The following ACO1 variants were observed in gnomAD, a reference collection of about 807,000 sequenced individuals.
ACO1 encodes aconitase 1.
ACO1 carries 78 observed loss-of-function variants against 105.1 expected under a neutral mutation model. The ratio of observed to expected loss-of-function variants is 0.74; its 90% CI spans 0.62 to 0.90. ACO1 has a LOEUF of 0.90. ACO1 is among the 40% of genes least tolerant of loss of function. The pLI is 0.00. For synonymous variants in ACO1, 364 were observed against 397.4 expected (o/e 0.92, Z 1.00); for missense variants, 965 against 1,111.1 (o/e 0.87, Z 1.87).
At chr9:32,400,276 T>G (rs1821467280) in intron 1 of ACO1, among the ~76,000 whole-genome samples, 1 of 152,176 alleles carries the variant, frequency 6.6e-6, no homozygotes, top group African/African-American at 2.4e-5. Context: ...TGGCTGTATC[T>G]ATTCCTTAGT....
chr9:32,403,214 G>A (rs868868690), intron 1 of ACO1, among the ~76,000 whole-genome samples: 19 of 152,292 alleles, frequency 1.2e-4, no homozygotes, highest in Middle Eastern at 3.4e-3. Flanking sequence ...GTTACGCAAG[G>A]TTTTTCATCC....
At position 32,449,012 on chromosome 9, in the gene ACO1, C is replaced by A; in HGVS notation, c.2487C>A (p.Leu829=). 1 of 1,614,126 alleles carries A rather than the reference C, an allele frequency of 6.2e-7. No homozygotes were observed. The highest frequency in any genetic ancestry group is 8.5e-7 in the Non-Finnish European group (1 of 1,180,014). The change falls in exon 20 of 21, where the codon CTC becomes CTA. Residue 829 remains leucine (L), a synonymous_variant. Transcript: ENST00000309951. ...GTGAGAATGCAGATGCCCTGGGGCT[C>A]ACAGGGCAAGAACGATACACTATCA... ...LPGENADALG[L]TGQERYTIII...
chr9:32,449,514 A>T (rs1344321070), intron 20 of ACO1, among the ~76,000 whole-genome samples: 2 of 152,190 alleles, frequency 1.3e-5, no homozygotes, highest in Admixed American at 1.3e-4. Flanking sequence ...AGGTAAAGAT[A>T]AAGTGCCCAG....
At chr9:32,406,823 G>A (rs112618980) in intron 2 of ACO1, among the ~76,000 whole-genome samples, 2,268 of 152,162 alleles carry the variant, frequency 0.015, 65 homozygotes, top group African/African-American at 0.051. Context: ...TTGCTCTGTC[G>A]CCAGGCTGGA....
intron 1 of ACO1, among the ~76,000 whole-genome samples, chr9:32,401,971 T>A (rs62571734): frequency 6.6e-6 from 1 of 152,184 alleles, no homozygotes; most frequent in Non-Finnish European, 1.5e-5. Context: ...TTATCTTGAC[T>A]TTCAGAATGT....
intron 19 of ACO1, among the ~76,000 whole-genome samples, chr9:32,446,154 C>T (rs764760793): frequency 6.6e-6 from 1 of 152,152 alleles, no homozygotes; most frequent in African/African-American, 2.4e-5. Context: ...AGTTCAAGTC[C>T]TGGATATCCT....
chr9:32,418,368 CT>C lies in ACO1; in HGVS notation c.516del (p.Gly173AlafsTer8), dbSNP rs1321119165. The C allele has an allele frequency of 1.9e-6, 3 of 1,614,194 alleles. No individual in the cohort carries two copies. Among genetic ancestry groups the C allele is most frequent in the Non-Finnish European group, 2.5e-6 (3 of 1,180,040 alleles). Reference protein sequence around the residue: ...QAFHNMRIIPPGSGIIHQVNL... With the variant: ...QAFHNMRIIPXGSGIIHQVNL... ...TTTCACAACATGCGGATTATTCCCC[CT>C]GGCTCAGGAATCATCCACCAGGTGA... On this transcript the variant is annotated frameshift_variant, in exon 6 of 21. Coordinates refer to ENST00000309951, the MANE Select transcript of ACO1 (RefSeq NM_002197.3). LOFTEE classifies it high-confidence loss of function.
At chr9:32,396,998 C>CAT (rs1024767100) in intron 1 of ACO1, among the ~76,000 whole-genome samples, 2 of 151,292 alleles carry the variant, frequency 1.3e-5, no homozygotes, top group African/African-American at 4.9e-5. Context: ...AAAATCTTGA[C>CAT]ATATATATAG....
chr9:32,403,708 G>A (rs986525010), intron 1 of ACO1, among the ~76,000 whole-genome samples: 7 of 152,118 alleles, frequency 4.6e-5, no homozygotes, highest in Admixed American at 3.9e-4. Context: ...TTTAGGATTC[G>A]ACACAGAGAT....
rs1182556613 is a variant in ACO1 at position 32,425,825 on chromosome 9, T to A, written c.1189-13T>A. On this transcript the variant is annotated splice_polypyrimidine_tract_variant and intron_variant, in intron 10 of 20. Transcript: ENST00000309951. ...ATATATTCCTATATAATATACATTT[T>A]TTCTTCCTTTAGCAAGGATTTAAAG... is the stretch of plus-strand genomic sequence containing the variant. 6.3e-7 allele frequency: 1 copy of A among 1,587,964 alleles called. No individual in the cohort carries two copies. Among genetic ancestry groups the A allele is most frequent in the Non-Finnish European group, 8.6e-7 (1 of 1,160,304 alleles).
intron 4 of ACO1, among the ~76,000 whole-genome samples, chr9:32,414,871 A>G (rs1821815521): frequency 6.6e-6 from 1 of 152,188 alleles, no homozygotes; most frequent in Non-Finnish European, 1.5e-5. Context: ...TTTATTCCAG[A>G]AACAGATTAT....
In ACO1 at chr9:32,422,928, C is replaced by T. The variant is rs186746436; in HGVS notation, c.971-391C>T. ...GGGTTGGGATGCGTTTTAATTTTAA[C>T]GGTAATCATGTGGAATGCTGAATCT... On this transcript the variant is annotated intron_variant, in intron 8 of 20. Transcript: ENST00000309951. Among the ~76,000 whole-genome samples, 298 of 152,258 alleles carry T rather than the reference C, an allele frequency of 2.0e-3. 1 individual carries two copies. Among genetic ancestry groups the T allele is most frequent in the African/African-American group, 6.9e-3 (287 of 41,544 alleles).
At chr9:32,413,425 A>G (rs1030182462) in intron 4 of ACO1, among the ~76,000 whole-genome samples, 3 of 150,612 alleles carry the variant, frequency 2.0e-5, no homozygotes, top group Non-Finnish European at 4.4e-5. Context: ...TGGAGGTTGC[A>G]GTGAGCTGAG....
At chr9:32,445,272 T>C (rs1271757250) in intron 19 of ACO1, among the ~76,000 whole-genome samples, 2 of 152,210 alleles carry the variant, frequency 1.3e-5, no homozygotes, top group African/African-American at 4.8e-5. Context: ...GGCTATTAAT[T>C]ACTGCCTCAA....
Position 32,429,622 on chromosome 9 carries a change from T to G in ACO1, c.1569+119T>G, listed in dbSNP as rs75809627. On this transcript the variant is annotated intron_variant, in intron 13 of 20. Coordinates refer to ENST00000309951, the MANE Select transcript of ACO1 (RefSeq NM_002197.3). ...GCAGGGGATGTGGTTTAGAGTATGA[T>G]CTTTTGAGTTTAGTTAAAATTACTA... 1,354 of 866,768 alleles carry G rather than the reference T, an allele frequency of 1.6e-3. 15 individuals are homozygous for G. The African/African-American group carries it at 0.021, about 14-fold the overall frequency. 53.7% of individuals were successfully genotyped at this position (866,768 alleles called of 1,614,324 possible).
intron 7 of ACO1, among the ~76,000 whole-genome samples, chr9:32,420,065 A>T (rs1309517489): frequency 2.1e-4 from 22 of 106,226 alleles, no homozygotes. Context: ...TAAGATGTGG[A>T]ATACTACAGG....
At chr9:32,406,284 T>C (rs1821607973) in intron 2 of ACO1, among the ~76,000 whole-genome samples, 1 of 107,190 alleles carries the variant, frequency 9.3e-6, no homozygotes, top group African/African-American at 3.6e-5. Context: ...ATAAGGACTA[T>C]TACTCTGTGT....
intron 19 of ACO1, among the ~76,000 whole-genome samples, chr9:32,448,501 T>C (rs900442901): frequency 1.3e-5 from 2 of 152,210 alleles, no homozygotes; most frequent in Non-Finnish European, 2.9e-5. Flanking sequence ...CTGGAGGGAA[T>C]CTCCTGGTCT....
chr9:32,420,832 T>TTTTCTGTTG (rs1438889796), intron 7 of ACO1, 24 bp from the exon 8 acceptor site: 3 of 1,603,882 alleles, frequency 1.9e-6, no homozygotes, highest in Non-Finnish European at 2.6e-6. Context: ...GATCTCAAAC[T>TTTTCTGTTG]TTTCTGTTGT....
Sources: allele counts gnomAD v4.1 joint callset (sites outside exome capture counted in the v4.1 genomes callset), GRCh38; gene constraint gnomAD v4.1.1; transcripts MANE v1.5; gene names NCBI Gene and HGNC (gene_info 2026-07-23, HGNC 2026-07-21).